RNGTT: variants seen among roughly 807,000 people sequenced by gnomAD.
RNGTT encodes the protein mRNA-capping enzyme.
A neutral mutation model predicts 79.3 loss-of-function variants in RNGTT; 33 were observed. That is an observed-to-expected ratio of 0.42 (90% CI 0.32 to 0.56). RNGTT has a LOEUF of 0.56. Ranked by LOEUF, RNGTT falls within the 20% of genes least tolerant of loss-of-function variation. RNGTT has a pLI of 0.17. For synonymous variants in RNGTT, 222 were observed against 235.9 expected, an observed-to-expected ratio of 0.94 and a Z score of 0.54; for missense variants, 497 against 739.1, an observed-to-expected ratio of 0.67 and a Z score of 3.80.
intron 15 of RNGTT, among the ~76,000 whole-genome samples, chr6:88,613,317 G>A (rs9451028): frequency 0.021 from 3,258 of 152,248 alleles, 109 homozygotes; most frequent in African/African-American, 0.073. Context: ...CACCATTCCT[G>A]TTGAATAGGT....
intron 9 of RNGTT, among the ~76,000 whole-genome samples, chr6:88,851,265 A>T (rs889338664): frequency 5.9e-5 from 9 of 151,914 alleles, no homozygotes; most frequent in Non-Finnish European, 1.3e-4. Flanking sequence ...CCCCAGATAC[A>T]TAACATATAT....
At chr6:88,622,057 A>AC (rs1393934206) in intron 14 of RNGTT, among the ~76,000 whole-genome samples, 1 of 151,820 alleles carries the variant, frequency 6.6e-6, no homozygotes, top group East Asian at 1.9e-4. Context: ...TATAAAACTA[A>AC]CCTCCCTTGC....
chr6:88,790,610 T>C (rs116668432), intron 12 of RNGTT, among the ~76,000 whole-genome samples: 3,137 of 151,890 alleles, frequency 0.021, 120 homozygotes, highest in African/African-American at 0.07. Context: ...ATAAAATTTG[T>C]ATATCCTCCA....
At position 88,688,763 on chromosome 6, in the gene RNGTT, T is replaced by C. The variant is rs1346933215; in HGVS notation, c.1440-10344A>G. ...ATAACATGGGTTTGAACCACGTAGG[T>C]CCACTTATACGCAGATTTCTTCCAC... On this transcript the variant is annotated intron_variant, in intron 13 of 15. Transcript: ENST00000369485. 3.3e-5 allele frequency among the ~76,000 whole-genome samples: 5 copies of C among 152,148 alleles called. No individual in the cohort carries two copies. In the South Asian group the frequency reaches 8.3e-4, roughly 25 times the overall value.
chr6:88,863,822 T>C (rs1782086638), intron 8 of RNGTT, among the ~76,000 whole-genome samples: 3 of 152,198 alleles, frequency 2.0e-5, no homozygotes. Flanking sequence ...GTATGACTGC[T>C]ATAATTATGG....
chr6:88,909,595 G>A (rs944948665), intron 4 of RNGTT, among the ~76,000 whole-genome samples: 2 of 152,150 alleles, frequency 1.3e-5, no homozygotes, highest in African/African-American at 4.8e-5. Context: ...CAGAGCAAAG[G>A]AAACGTGAGA....
At chr6:88,765,654 G>T (rs983333493) in intron 13 of RNGTT, among the ~76,000 whole-genome samples, 5 of 152,160 alleles carry the variant, frequency 3.3e-5, no homozygotes, top group African/African-American at 1.2e-4. Flanking sequence ...GGTTAGGTAG[G>T]TTAAGTTAAC....
chr6:88,692,644 G>C (rs1041817618), intron 13 of RNGTT, among the ~76,000 whole-genome samples: 1 of 152,050 alleles, frequency 6.6e-6, no homozygotes, highest in East Asian at 1.9e-4. Context: ...AGAAGGAAAA[G>C]AGGGAAGGAT....
chr6:88,791,468 ATG>A (rs1297405953), intron 12 of RNGTT, among the ~76,000 whole-genome samples: 3 of 152,158 alleles, frequency 2.0e-5, no homozygotes, highest in Admixed American at 2.0e-4. Context: ...GTGTGTGGTA[ATG>A]TGTTAAAGTA....
chr6:88,753,843 A>C (rs1350068006), intron 13 of RNGTT, among the ~76,000 whole-genome samples: 3 of 152,108 alleles, frequency 2.0e-5, no homozygotes, highest in Admixed American at 6.5e-5. Flanking sequence ...GCTTCTTACT[A>C]GGGACAGGGT....
intron 12 of RNGTT, among the ~76,000 whole-genome samples, chr6:88,792,531 C>T (rs556330566): frequency 6.6e-6 from 1 of 152,312 alleles, no homozygotes; most frequent in East Asian, 1.9e-4. Context: ...GTCTTAAACT[C>T]TGCTTTCTTT....
At chr6:88,614,689 A>G (rs569507093) in intron 14 of RNGTT, among the ~76,000 whole-genome samples, 3 of 152,336 alleles carry the variant, frequency 2.0e-5, no homozygotes, top group African/African-American at 7.2e-5. Context: ...ATATGTTACC[A>G]TGGGGACCAA....
At chr6:88,958,834 G>C (rs1313558638) in intron 1 of RNGTT, among the ~76,000 whole-genome samples, 1 of 152,170 alleles carries the variant, frequency 6.6e-6, no homozygotes, top group Admixed American at 6.5e-5. Flanking sequence ...ACTACCATTT[G>C]ATCCAGCAAT....
intron 11 of RNGTT, among the ~76,000 whole-genome samples, chr6:88,829,643 T>C (rs960611112): frequency 6.8e-6 from 1 of 146,346 alleles, no homozygotes; most frequent in Non-Finnish European, 1.5e-5. Context: ...CTCCTATGTG[T>C]GTGCAAAGAC....
intron 2 of RNGTT, among the ~76,000 whole-genome samples, chr6:88,938,951 G>A (rs978135614): frequency 2.6e-5 from 4 of 152,206 alleles, no homozygotes; most frequent in East Asian, 3.9e-4. Context: ...CTCTACTCTC[G>A]CTTGGCCTAT....
At chr6:88,878,215 C>T (rs1056986705) in intron 8 of RNGTT, among the ~76,000 whole-genome samples, 2 of 152,026 alleles carry the variant, frequency 1.3e-5, no homozygotes, top group South Asian at 4.1e-4. Flanking sequence ...CGTGTCTCAG[C>T]CTCCCAGGTA....
chr6:88,751,001 G>A (rs552428448), intron 13 of RNGTT, among the ~76,000 whole-genome samples: 7 of 152,264 alleles, frequency 4.6e-5, no homozygotes, highest in Admixed American at 2.6e-4. Flanking sequence ...CTTATCCATC[G>A]TTTTATTCAC....
chr6:88,708,120 G>A (rs1195248317), intron 13 of RNGTT, among the ~76,000 whole-genome samples: 1 of 151,892 alleles, frequency 6.6e-6, no homozygotes, highest in African/African-American at 2.4e-5. Flanking sequence ...TGTAACTTAT[G>A]GTTACAAAGC....
chr6:88,931,217 G>C (rs1175359084), intron 2 of RNGTT, among the ~76,000 whole-genome samples: 1 of 123,742 alleles, frequency 8.1e-6, no homozygotes, highest in Non-Finnish European at 1.7e-5. Context: ...AAAAGAACAA[G>C]AAGTTCTATG....
Sources: gnomAD v4.1 joint callset for allele counts (sites outside exome capture counted in the v4.1 genomes callset) on GRCh38, gnomAD v4.1.1 for gene constraint, MANE v1.5 for transcripts, NCBI Gene and HGNC (gene_info 2026-07-23, HGNC 2026-07-21) for gene names.